CLPSL1: variants seen among roughly 807,000 people sequenced by gnomAD.
CLPSL1 encodes colipase like 1.
A neutral mutation model predicts 9.3 loss-of-function variants in CLPSL1; 13 were observed. The observed-to-expected ratio is 1.40, with a 90% CI of 0.91 to 2.22. CLPSL1 has a LOEUF of 2.22. CLPSL1 is among the 30% of genes most tolerant of loss of function. The pLI is 0.00. For missense variants in CLPSL1, 164 were observed against 146.6 expected (o/e 1.12, Z -0.61); for synonymous variants, 58 against 56.9 (o/e 1.02, Z -0.08).
chr6:35,792,600 G>A (rs1364189690), downstream of CLPSL1, among the ~76,000 whole-genome samples: 1 of 152,276 alleles, frequency 6.6e-6, no homozygotes. Context: ...GAGTCTACAG[G>A]AGCACTGGCC....
intron 1 of CLPSL1, among the ~76,000 whole-genome samples, chr6:35,784,220 T>C (rs1231746494): frequency 1.3e-5 from 2 of 152,150 alleles, no homozygotes; most frequent in Non-Finnish European, 2.9e-5. Flanking sequence ...TTTAAACAAA[T>C]TCTGATTGGC....
downstream of CLPSL1, among the ~76,000 whole-genome samples, chr6:35,791,157 G>A (rs6907802): frequency 0.23 from 33,274 of 146,580 alleles, 498 homozygotes; most frequent in Non-Finnish European, 0.23. Flanking sequence ...CAAGCCATGG[G>A]GATTCCGCTG....
At chr6:35,788,219 G>A (rs1252124194), downstream of CLPSL1, 14 of 569,324 alleles carry the variant, frequency 2.5e-5, no homozygotes, top group East Asian at 1.9e-4. Flanking sequence ...TTTCTGGGGG[G>A]TGGGGAGGTG....
At chr6:35,781,812 C>G (rs527536788) in intron 1 of CLPSL1, among the ~76,000 whole-genome samples, 1 of 149,656 alleles carries the variant, frequency 6.7e-6, no homozygotes, top group South Asian at 2.1e-4. Flanking sequence ...GTGGGGCAAT[C>G]TCGGCTCACT....
intron 1 of CLPSL1, 142 bp downstream of exon 1, chr6:35,781,351 C>A (rs1490266946): frequency 1.5e-6 from 2 of 1,302,948 alleles, no homozygotes; most frequent in South Asian, 1.6e-5. Context: ...GAAGATGTCT[C>A]GGAGGAAAGA....
At chr6:35,791,781 A>G (rs1034637593), downstream of CLPSL1, among the ~76,000 whole-genome samples, 1 of 151,928 alleles carries the variant, frequency 6.6e-6, no homozygotes, top group Non-Finnish European at 1.5e-5. Flanking sequence ...AAATATAAAA[A>G]TTAACTCCGG....
intron 1 of CLPSL1, among the ~76,000 whole-genome samples, chr6:35,786,613 G>A (rs961114862): frequency 6.6e-6 from 1 of 151,982 alleles, no homozygotes; most frequent in Non-Finnish European, 1.5e-5. Context: ...GTGTGTAGGG[G>A]GAGGGGCGGT....
chr6:35,788,064 A>C lies in CLPSL1; in HGVS notation c.*54A>C. 7.1e-7 allele frequency: 1 copy of C among 1,399,866 alleles called. No individual in the cohort carries two copies. Among genetic ancestry groups the C allele is most frequent in the Non-Finnish European group, 1.0e-6 (1 of 990,682 alleles). The allele number at this position is 1,399,866 out of a possible 1,614,324, so 86.7% of individuals were successfully genotyped here. On this transcript the variant is annotated 3_prime_UTR_variant, in exon 3 of 3. Transcript: ENST00000373861. ...CCTCCACCTGCTCTCCTCCCTACCC[A>C]GAGCTCTGTGTTCACCCTGTTCCCC...
chr6:35,783,311 G>T (rs1024372281), intron 1 of CLPSL1, among the ~76,000 whole-genome samples: 4 of 152,166 alleles, frequency 2.6e-5, no homozygotes, highest in Non-Finnish European at 5.9e-5. Flanking sequence ...AAGAGTTCGA[G>T]AACAGCCTGA....
downstream of CLPSL1, among the ~76,000 whole-genome samples, chr6:35,789,357 C>T (rs1768147088): frequency 6.6e-6 from 1 of 152,238 alleles, no homozygotes; most frequent in African/African-American, 2.4e-5. Flanking sequence ...ATAGTCTTTT[C>T]AATAAATGGT....
chr6:35,792,087 C>A (rs1768230244), downstream of CLPSL1, among the ~76,000 whole-genome samples: 1 of 142,500 alleles, frequency 7.0e-6, no homozygotes, highest in East Asian at 2.0e-4. Context: ...CTCCATCTTC[C>A]CCCCGCCACA....
At chr6:35,786,440 G>A (rs561964509) in intron 1 of CLPSL1, among the ~76,000 whole-genome samples, 1 of 152,166 alleles carries the variant, frequency 6.6e-6, no homozygotes, top group Non-Finnish European at 1.5e-5. Flanking sequence ...TGTTTTTGTT[G>A]TTCCCAGCTG....
intron 1 of CLPSL1, among the ~76,000 whole-genome samples, chr6:35,782,935 A>G (rs1409487675): frequency 6.6e-6 from 1 of 152,104 alleles, no homozygotes; most frequent in African/African-American, 2.4e-5. Context: ...TTATACATAT[A>G]TAATATAAAT....
intron 2 of CLPSL1, 23 bp from the exon 3 acceptor site, chr6:35,787,844 G>T (rs772582776): frequency 6.2e-7 from 1 of 1,606,030 alleles, no homozygotes; most frequent in South Asian, 1.1e-5. Context: ...CCAAGGTCGA[G>T]GTCAAAGTCC....
At chr6:35,792,098 AAAAT>A (rs112994835), downstream of CLPSL1, among the ~76,000 whole-genome samples, 26,412 of 148,342 alleles carry the variant, frequency 0.18, 835 homozygotes, top group African/African-American at 0.31. Context: ...CCCCGCCACA[AAAAT>A]AAATAAATAA....
chr6:35,786,586 G>C (rs979680684), intron 1 of CLPSL1, among the ~76,000 whole-genome samples: 1 of 152,196 alleles, frequency 6.6e-6, no homozygotes, highest in East Asian at 1.9e-4. Context: ...CCCCAGTGCT[G>C]GGTGGAGGTC....
downstream of CLPSL1, among the ~76,000 whole-genome samples, chr6:35,790,391 C>G (rs1254660990): frequency 6.6e-6 from 1 of 152,258 alleles, no homozygotes; most frequent in Non-Finnish European, 1.5e-5. Context: ...GCTGACATGA[C>G]TAAACTGGTT....
chr6:35,793,365 C>G, intron 1 of CLPSL1: 1 of 436,788 alleles, frequency 2.3e-6, no homozygotes, highest in South Asian at 1.6e-5. Flanking sequence ...GCAGAAGTTG[C>G]AGGGAGCCGA....
chr6:35,789,947 G>T (rs1768156272), downstream of CLPSL1, among the ~76,000 whole-genome samples: 1 of 152,210 alleles, frequency 6.6e-6, no homozygotes. Context: ...TTTTGTTGGA[G>T]ACAGGGTCTC....
Sources: gnomAD v4.1 joint callset for allele counts (sites outside exome capture counted in the v4.1 genomes callset) on GRCh38, gnomAD v4.1.1 for gene constraint, MANE v1.5 for transcripts, NCBI Gene and HGNC (gene_info 2026-07-23, HGNC 2026-07-21) for gene names.